Variants in DIPK1A observed in about 807,000 individuals in gnomAD.
DIPK1A encodes divergent protein kinase domain 1A.
DIPK1A carries 27 observed loss-of-function variants against 40.8 expected under a neutral mutation model. That is an observed-to-expected ratio of 0.66 (90% confidence interval 0.49 to 0.91). The LOEUF (loss-of-function observed/expected upper bound fraction) is 0.91. Among genes scored for constraint, DIPK1A ranks in the 40% least tolerant of loss-of-function variants. DIPK1A has a pLI of 0.00. For missense variants in DIPK1A, 412 were observed against 505.7 expected (o/e 0.81, Z 1.78); for synonymous variants, 166 against 171.3 (o/e 0.97, Z 0.24).
chr1:92,943,467 G>A (rs2100895829), intron 1 of DIPK1A, among the ~76,000 whole-genome samples: 1 of 152,234 alleles, frequency 6.6e-6, no homozygotes, highest in African/African-American at 2.4e-5. Flanking sequence ...TGAAGACGGT[G>A]GGAATAATTG....
chr1:92,924,106 T>C (rs1311371158), intron 1 of DIPK1A, among the ~76,000 whole-genome samples: 1 of 150,534 alleles, frequency 6.6e-6, no homozygotes, highest in Non-Finnish European at 1.5e-5. Context: ...TTAAATTTAT[T>C]CTTAAGTATT....
At chr1:92,873,598 G>A (rs551060933) in intron 2 of DIPK1A, among the ~76,000 whole-genome samples, 16 of 145,696 alleles carry the variant, frequency 1.1e-4, no homozygotes, top group Middle Eastern at 3.9e-3. Context: ...CCGGGTGACA[G>A]AGCAAAACTC....
intron 1 of DIPK1A, among the ~76,000 whole-genome samples, chr1:92,935,492 C>T (rs891827081): frequency 6.6e-6 from 1 of 152,110 alleles, no homozygotes; most frequent in East Asian, 1.9e-4. Context: ...TTAAAAATTA[C>T]GGCTCAATAT....
At chr1:92,952,313 T>A (rs924528964) in intron 1 of DIPK1A, among the ~76,000 whole-genome samples, 6 of 152,188 alleles carry the variant, frequency 3.9e-5, no homozygotes, top group Non-Finnish European at 7.4e-5. Flanking sequence ...ATTATGATAC[T>A]TTTTACCCTA....
intron 1 of DIPK1A, among the ~76,000 whole-genome samples, chr1:92,954,355 C>G (rs1571155010): frequency 6.9e-6 from 1 of 144,004 alleles, no homozygotes; most frequent in Non-Finnish European, 1.5e-5. Context: ...AATATTAACA[C>G]TTTATCTTTT....
At chr1:92,923,635 T>C (rs904011811) in intron 1 of DIPK1A, among the ~76,000 whole-genome samples, 1 of 152,338 alleles carries the variant, frequency 6.6e-6, no homozygotes, top group East Asian at 1.9e-4. Context: ...TGATCTCTCA[T>C]TTGAGGATGA....
intron 2 of DIPK1A, among the ~76,000 whole-genome samples, chr1:92,854,497 G>C (rs1249936856): frequency 6.6e-6 from 1 of 152,174 alleles, no homozygotes; most frequent in Non-Finnish European, 1.5e-5. Flanking sequence ...ACTCCTTACA[G>C]TTTGCTTGGA....
At position 92,843,680 on chromosome 1, in the gene DIPK1A, G is replaced by A. The variant is rs943653380; in HGVS notation, c.990C>T (p.His330=). The A allele has an allele frequency of 8.4e-6, 13 of 1,551,714 alleles. No homozygotes were observed. The Admixed American group carries it at 2.5e-4, about 30-fold the overall frequency. The change falls in exon 5 of 5, where the codon CAC becomes CAT. Residue 330 remains histidine (H), a synonymous_variant. Transcript: ENST00000370310. ...AGACACAGTCCAAATCAGACTCACA[G>A]TGACGATCCTTAATAAGTTCTTTCA... ...TNLKELIKDR[H]CESDLDCVYG... is the part of the protein sequence containing the mutation.
At chr1:92,835,010 T>G in intron 4 of DIPK1A, 1 of 1,552,926 alleles carries the variant, frequency 6.4e-7, no homozygotes, top group Admixed American at 1.7e-5. Context: ...GCTTAAGTTG[T>G]GCTTCAGGAG....
intron 2 of DIPK1A, among the ~76,000 whole-genome samples, chr1:92,867,215 CTTTTTTTTTTT>C (rs5776161): frequency 8.0e-6 from 1 of 125,674 alleles, no homozygotes; most frequent in African/African-American, 3.0e-5. Flanking sequence ...TACTCCAATT[CTTTTTTTTTTT>C]TTTTTTTTTA....
At chr1:92,835,280 C>G in intron 4 of DIPK1A, 1 of 348,816 alleles carries the variant, frequency 2.9e-6, no homozygotes, top group East Asian at 7.1e-5. Context: ...AAAATGCAGA[C>G]TCGTGGGAAC....
chr1:92,872,604 T>A (rs1346302789), intron 2 of DIPK1A, among the ~76,000 whole-genome samples: 1 of 152,210 alleles, frequency 6.6e-6, no homozygotes, highest in East Asian at 1.9e-4. Context: ...TTCTTTGTAC[T>A]TTTTTACATA....
At chr1:92,927,558 A>G (rs1257580104) in intron 1 of DIPK1A, among the ~76,000 whole-genome samples, 2 of 151,976 alleles carry the variant, frequency 1.3e-5, no homozygotes, top group Non-Finnish European at 2.9e-5. Flanking sequence ...ACATCACCAC[A>G]ATCAAATTAT....
intron 1 of DIPK1A, chr1:92,933,708 T>C (rs1307849723): frequency 2.0e-5 from 3 of 152,264 alleles, no homozygotes; most frequent in African/African-American, 2.4e-5. Flanking sequence ...AGATTTGATT[T>C]ATCTTTATCT....
chr1:92,846,847 GTATATATATA>G (rs1204178725), intron 4 of DIPK1A, among the ~76,000 whole-genome samples: 1 of 348 alleles, frequency 2.9e-3, no homozygotes, highest in Non-Finnish European at 4.5e-3. Context: ...ATATATGTGT[GTATATATATA>G]TGTGTGTATA....
At chr1:92,901,153 T>C (rs1037532250) in intron 1 of DIPK1A, among the ~76,000 whole-genome samples, 1 of 152,198 alleles carries the variant, frequency 6.6e-6, no homozygotes, top group East Asian at 1.9e-4. Flanking sequence ...GGTGGCAGCA[T>C]ACATTGTTAA....
intron 1 of DIPK1A, among the ~76,000 whole-genome samples, chr1:92,923,450 T>C (rs2100857793): frequency 6.6e-6 from 1 of 152,298 alleles, no homozygotes; most frequent in East Asian, 1.9e-4. Context: ...CCTTATACTT[T>C]TATACTTCAG....
At chr1:92,860,430 C>T (rs978329234) in intron 2 of DIPK1A, among the ~76,000 whole-genome samples, 43 of 151,936 alleles carry the variant, frequency 2.8e-4, no homozygotes, top group African/African-American at 9.2e-4. Context: ...CACAAGCCTG[C>T]CTTTGAAGTA....
At position 92,846,841 on chromosome 1, in the gene DIPK1A, A is replaced by ATATATG. The variant is rs1557449927; in HGVS notation, c.474+341_474+342insCATATA. Among the ~76,000 whole-genome samples the ATATATG allele has an allele frequency of 3.4e-3, 7 of 2,062 alleles. 1 individual carries two copies. Among genetic ancestry groups the ATATATG allele is most frequent in the Non-Finnish European group, 4.5e-3 (7 of 1,548 alleles). The allele number at this position is 2,062 out of a possible 152,430, so 1.4% of individuals were successfully genotyped here. ...TATATATATATATATATATATATAT[A>ATATATG]TGTGTGTATATATATATGTGTGTAT... is the stretch of plus-strand genomic sequence containing the variant. On this transcript the variant is annotated intron_variant, in intron 4 of 4. Coordinates refer to ENST00000370310, the MANE Select transcript of DIPK1A (RefSeq NM_001006605.5).
Sources: gnomAD v4.1 joint callset for allele counts (sites outside exome capture counted in the v4.1 genomes callset) on GRCh38, gnomAD v4.1.1 for gene constraint, MANE v1.5 for transcripts, NCBI Gene and HGNC (gene_info 2026-07-23, HGNC 2026-07-21) for gene names.